Variants in ZFP30 observed in about 807,000 individuals in gnomAD.
ZFP30 encodes ZFP30 zinc finger protein.
In ZFP30, 16 loss-of-function variants were observed where a neutral mutation model predicts 12.3. The observed-to-expected ratio is 1.30, with a 90% CI of 0.88 to 1.98. The LOEUF is 1.98. Ranked by LOEUF, ZFP30 falls within the 30% of genes most tolerant of loss-of-function variation. The pLI is 0.00. For synonymous variants in ZFP30, 172 were observed against 201.0 expected, an observed-to-expected ratio of 0.86 and a Z score of 1.22; for missense variants, 560 against 611.2, an observed-to-expected ratio of 0.92 and a Z score of 0.88.
intron 5 of ZFP30, among the ~76,000 whole-genome samples, chr19:37,642,121 T>C (rs570674497): frequency 3.5e-4 from 53 of 152,360 alleles, no homozygotes; most frequent in African/African-American, 1.2e-3. Flanking sequence ...CTAAATCCAA[T>C]AGTTCTTATG....
chr19:37,643,431 G>A, intron 4 of ZFP30, 68 bp from the exon 5 acceptor site: 1 of 1,195,604 alleles, frequency 8.4e-7, no homozygotes, highest in East Asian at 3.0e-5. Context: ...AGACTATCAG[G>A]ATTGAAAAAC....
rs1442748907 is a variant in ZFP30, at chr19:37,635,718, A to G, written c.823T>C (p.Cys275Arg). The G allele has an allele frequency of 1.2e-6, 2 of 1,614,226 alleles. No homozygotes were observed. The highest frequency in any genetic ancestry group is 1.7e-6 in the Non-Finnish European group (2 of 1,180,046). Residue 275 changes from cysteine to arginine, a missense_variant, in exon 6 of 6, where the codon TGT (cysteine) becomes CGT (arginine). Coordinates refer to ENST00000684514, the MANE Select transcript of ZFP30 (RefSeq NM_001320669.3). The stretch of plus-strand genomic sequence containing the variant: ...GCATACTGCCTAAAGGCCTTCCCAC[A>G]TTCTTTACATTCATAGGGTTTCTCA... ...TGEKPYECKECGKAFRQYAHL... is the reference protein window; with the variant it reads ...TGEKPYECKERGKAFRQYAHL...
intron 5 of ZFP30, among the ~76,000 whole-genome samples, chr19:37,642,608 T>C (rs1338536076): frequency 1.3e-5 from 2 of 152,136 alleles, no homozygotes; most frequent in East Asian, 3.9e-4. Context: ...TCCATGAACA[T>C]GGGCAATGAA....
chr19:37,647,080 C>A (rs746654811), intron 3 of ZFP30, among the ~76,000 whole-genome samples: 1 of 152,084 alleles, frequency 6.6e-6, no homozygotes, highest in African/African-American at 2.4e-5. Context: ...AATTTGACTA[C>A]TAGAAAATTT....
intron 2 of ZFP30, among the ~76,000 whole-genome samples, chr19:37,654,475 G>C (rs907896415): frequency 1.3e-5 from 2 of 152,126 alleles, no homozygotes; most frequent in African/African-American, 4.8e-5. Context: ...TAGAAAAACA[G>C]CGCTCACAGA....
chr19:37,646,758 TTTTGC>T (rs1344375822), intron 3 of ZFP30, among the ~76,000 whole-genome samples: 5 of 149,548 alleles, frequency 3.3e-5, no homozygotes, highest in African/African-American at 5.1e-5. Context: ...TTTTGTTTTG[TTTTGC>T]TTTGTTTTGT....
chr19:37,632,713 C>CA lies in ZFP30; in HGVS notation c.*2267dup, dbSNP rs933485065. The CA allele has an allele frequency of 3.9e-5, 6 of 152,020 alleles. No individual in the cohort carries two copies. The highest frequency in any genetic ancestry group is 1.4e-4 in the African/African-American group (6 of 41,476). The allele number at this position is 152,020 out of a possible 1,614,324, so 9.4% of individuals were successfully genotyped here. ...TAAGTCTTCAGAATCTTGTGTTTTACAAAAAAACACCATTTGAATTTGGAC... is the reference window on the plus strand; with the variant it reads ...TAAGTCTTCAGAATCTTGTGTTTTACAAAAAAAACACCATTTGAATTTGGAC... On this transcript the variant is annotated 3_prime_UTR_variant, in exon 6 of 6. Transcript: ENST00000684514.
chr19:37,644,821 A>G (rs1789467600), intron 3 of ZFP30, 85 bp from the exon 4 acceptor site: 3 of 1,356,276 alleles, frequency 2.2e-6, no homozygotes, highest in Admixed American at 4.5e-5. Context: ...TAGTGGCTCA[A>G]TGCTTATAAT....
At chr19:37,644,764 G>GA in intron 3 of ZFP30, 28 bp from the exon 4 acceptor site, 1 of 1,594,098 alleles carries the variant, frequency 6.3e-7, no homozygotes, top group Non-Finnish European at 8.5e-7. Context: ...TGTATTATTT[G>GA]TAAGATAAAT....
Position 37,636,235 on chromosome 19 carries a change from C to CAT in ZFP30, c.305_306insAT (p.Trp103CysfsTer4). On this transcript the variant is annotated frameshift_variant, in exon 6 of 6. Coordinates refer to ENST00000684514, the MANE Select transcript of ZFP30 (RefSeq NM_001320669.3). LOFTEE classifies it low-confidence loss of function (END_TRUNC). ...TTTTAATTCTTTCCATTACCTTCCA[C>CAT]TGAGATAAGTTCATTTCATAAATAT... 5 of 1,613,472 alleles carry CAT rather than the reference C, an allele frequency of 3.1e-6. No homozygotes were observed. The highest frequency in any genetic ancestry group is 4.2e-6 in the Non-Finnish European group (5 of 1,179,866).
At chr19:37,649,093 A>C (rs921397930) in intron 2 of ZFP30, among the ~76,000 whole-genome samples, 1 of 151,974 alleles carries the variant, frequency 6.6e-6, no homozygotes, top group Non-Finnish European at 1.5e-5. Context: ...AAATTTTTTT[A>C]AATTAGCTGG....
At chr19:37,640,679 G>A (rs1267231640) in intron 5 of ZFP30, among the ~76,000 whole-genome samples, 3 of 151,142 alleles carry the variant, frequency 2.0e-5, no homozygotes, top group African/African-American at 7.3e-5. Context: ...ATGAACCCAG[G>A]AGTCTGAAAC....
rs752213026 is a variant in ZFP30, at chr19:37,635,262, G to A, written c.1279C>T (p.Gln427Ter). 6.2e-7 allele frequency: 1 copy of A among 1,614,066 alleles called. No homozygotes were observed. Among genetic ancestry groups the A allele is most frequent in the South Asian group, 1.1e-5 (1 of 91,046 alleles). The change falls in exon 6 of 6, where the codon CAA becomes TAA. Residue 427 changes from glutamine (Q) to a stop codon, truncating the protein, a stop_gained. Coordinates refer to ENST00000684514, the MANE Select transcript of ZFP30 (RefSeq NM_001320669.3). LOFTEE classifies it high-confidence loss of function. ...TCACCAAAATGAATACTCTGATGTT[G>A]AGTAAGCTGTGAGAACAGCCTAAAT... is the stretch of plus-strand genomic sequence containing the variant. ...KAFRLFSQLT[Q>*]HQSIHFGEKP...
chr19:37,647,688 T>TCCCC, intron 3 of ZFP30, 126 bp downstream of exon 3: 1 of 1,193,490 alleles, frequency 8.4e-7, no homozygotes, highest in Non-Finnish European at 1.2e-6. Flanking sequence ...CGTGCTGGAA[T>TCCCC]GGGGAAGACT....
In ZFP30 at chr19:37,632,959, G is replaced by A. The variant is rs2044256695; in HGVS notation, c.*2022C>T. ...GGCCAAGGCAGGTGGATCACCTGAGGTCAGGAGTTGAGACCAGCTTGGCCA... is the reference window on the plus strand; with the variant it reads ...GGCCAAGGCAGGTGGATCACCTGAGATCAGGAGTTGAGACCAGCTTGGCCA... On this transcript the variant is annotated 3_prime_UTR_variant, in exon 6 of 6. Transcript: ENST00000684514. 1 of 152,202 alleles carries A rather than the reference G, an allele frequency of 6.6e-6. No homozygotes were observed. Among genetic ancestry groups the A allele is most frequent in the Non-Finnish European group, 1.5e-5 (1 of 68,094 alleles). 9.4% of individuals were successfully genotyped at this position (152,202 alleles called of 1,614,324 possible).
upstream of ZFP30, chr19:37,655,723 A>G (rs1230137656): frequency 6.6e-6 from 1 of 152,230 alleles, no homozygotes; most frequent in East Asian, 1.9e-4. Flanking sequence ...CAAAATTTAA[A>G]AAAACAATAT....
At chr19:37,641,766 A>T (rs1272291211) in intron 5 of ZFP30, among the ~76,000 whole-genome samples, 2 of 152,242 alleles carry the variant, frequency 1.3e-5, no homozygotes, top group Non-Finnish European at 2.9e-5. Context: ...TAACTCATCC[A>T]AACAGAGTTC....
At chr19:37,649,334 T>C (rs1030693054) in intron 2 of ZFP30, among the ~76,000 whole-genome samples, 1 of 151,800 alleles carries the variant, frequency 6.6e-6, no homozygotes, top group Admixed American at 6.6e-5. Context: ...AGAGAGCATA[T>C]TGAAGGAACT....
At chr19:37,639,144 AC>A (rs1344196228) in intron 5 of ZFP30, among the ~76,000 whole-genome samples, 4 of 152,152 alleles carry the variant, frequency 2.6e-5, no homozygotes, top group Non-Finnish European at 5.9e-5. Flanking sequence ...AAAAAGCAAT[AC>A]AAAATATGGC....
Sources: gnomAD v4.1 joint callset for allele counts (sites outside exome capture counted in the v4.1 genomes callset) on GRCh38, gnomAD v4.1.1 for gene constraint, MANE v1.5 for transcripts, NCBI Gene and HGNC (gene_info 2026-07-23, HGNC 2026-07-21) for gene names.